XYLT1: variants seen among roughly 807,000 people sequenced by gnomAD.
The protein encoded by XYLT1 is beta-D-xylosyltransferase 1.
A neutral mutation model predicts 91.3 loss-of-function variants in XYLT1; 36 were observed. The ratio of observed to expected loss-of-function variants is 0.39; its 90% CI spans 0.30 to 0.52. The LOEUF is 0.52. XYLT1 is among the 20% of genes least tolerant of loss of function. The pLI, the probability that XYLT1 is intolerant of heterozygous loss-of-function variation, is 0.68. For missense variants in XYLT1, 1,242 were observed against 1,284.5 expected, an observed-to-expected ratio of 0.97 and a Z score of 0.51; for synonymous variants, 588 against 532.0, an observed-to-expected ratio of 1.11 and a Z score of -1.45.
At chr16:17,291,914 C>T (rs1004934092) in intron 2 of XYLT1, among the ~76,000 whole-genome samples, 2 of 151,936 alleles carry the variant, frequency 1.3e-5, no homozygotes, top group Admixed American at 6.6e-5. Context: ...TGGCCAGGCA[C>T]GGTAGCTGAC....
chr16:17,199,426 T>C (rs933729435), intron 4 of XYLT1, among the ~76,000 whole-genome samples: 3 of 152,194 alleles, frequency 2.0e-5, no homozygotes, highest in African/African-American at 4.8e-5. Context: ...TGACAGAGAC[T>C]ATGTGCCCTG....
chr16:17,298,301 T>C (rs1401188967), intron 2 of XYLT1, among the ~76,000 whole-genome samples: 1 of 152,130 alleles, frequency 6.6e-6, no homozygotes, highest in Admixed American at 6.5e-5. Flanking sequence ...CCAAAAAACC[T>C]TGGCCCATAA....
At chr16:17,247,215 C>T (rs1490422338) in intron 3 of XYLT1, among the ~76,000 whole-genome samples, 3 of 148,950 alleles carry the variant, frequency 2.0e-5, no homozygotes, top group Non-Finnish European at 4.5e-5. Context: ...CTCCTTCCTT[C>T]TTGCACTAAG....
At chr16:17,276,131 C>T (rs571556618) in intron 2 of XYLT1, among the ~76,000 whole-genome samples, 2 of 152,318 alleles carry the variant, frequency 1.3e-5, no homozygotes, top group Admixed American at 6.5e-5. Flanking sequence ...CCAGAAGCTG[C>T]TAATAAATTA....
intron 3 of XYLT1, among the ~76,000 whole-genome samples, chr16:17,248,376 G>C (rs1386327009): frequency 6.6e-6 from 1 of 152,116 alleles, no homozygotes; most frequent in Non-Finnish European, 1.5e-5. Context: ...CTAATACAGG[G>C]GGGCCTACCT....
intron 1 of XYLT1, among the ~76,000 whole-genome samples, chr16:17,454,903 T>TCCCC (rs201490419): frequency 5.4e-5 from 2 of 36,986 alleles, no homozygotes; most frequent in Admixed American, 3.0e-4. Flanking sequence ...CATTCTTTCC[T>TCCCC]CCCCCCCCCG....
intron 5 of XYLT1, among the ~76,000 whole-genome samples, chr16:17,166,781 G>A (rs1432701912): frequency 1.3e-5 from 2 of 151,566 alleles, no homozygotes; most frequent in Non-Finnish European, 2.9e-5. Flanking sequence ...CCAAAGTGCT[G>A]GGACCACAGA....
chr16:17,124,915 T>TGTAA (rs1251201842), intron 10 of XYLT1, among the ~76,000 whole-genome samples: 1 of 152,260 alleles, frequency 6.6e-6, no homozygotes, highest in East Asian at 1.9e-4. Context: ...TTTGCAATTT[T>TGTAA]GTAAGTGTGT....
intron 3 of XYLT1, among the ~76,000 whole-genome samples, chr16:17,238,190 A>C (rs1053376483): frequency 1.3e-5 from 2 of 152,176 alleles, no homozygotes; most frequent in Non-Finnish European, 2.9e-5. Flanking sequence ...TATTCCCATT[A>C]ATCCTTTTTG....
In XYLT1 at chr16:17,290,996, G is replaced by A. The variant is rs1045402008; in HGVS notation, c.403-31498C>T. Reference sequence around the variant, plus strand: ...GTCACCCAGGCTGGAGTGCAATGGCGCAATCATATCTCACTGCATCCTCAG... The same window carrying A: ...GTCACCCAGGCTGGAGTGCAATGGCACAATCATATCTCACTGCATCCTCAG... On this transcript the variant is annotated intron_variant, in intron 2 of 11. Transcript: ENST00000261381. Among the ~76,000 whole-genome samples the A allele has an allele frequency of 2.6e-5, 4 of 152,200 alleles. No homozygotes were observed. In the East Asian group the frequency reaches 5.8e-4, roughly 22 times the overall value.
At chr16:17,201,102 GT>G (rs1477152371) in intron 3 of XYLT1, among the ~76,000 whole-genome samples, 13 of 152,164 alleles carry the variant, frequency 8.5e-5, no homozygotes, top group Admixed American at 5.9e-4. Flanking sequence ...TTTAACGGTG[GT>G]AAGAACAGAT....
chr16:17,161,333 C>T (rs1455171900), intron 5 of XYLT1, among the ~76,000 whole-genome samples: 1 of 152,164 alleles, frequency 6.6e-6, no homozygotes, highest in Non-Finnish European at 1.5e-5. Context: ...GGTTTCCAGG[C>T]CCAGAGCTTT....
chr16:17,256,783 C>T (rs2033639710), intron 3 of XYLT1, among the ~76,000 whole-genome samples: 1 of 152,210 alleles, frequency 6.6e-6, no homozygotes, highest in African/African-American at 2.4e-5. Flanking sequence ...TGACCATTTG[C>T]CTTCTCAGGA....
At chr16:17,455,293 G>T (rs2036726349) in intron 1 of XYLT1, among the ~76,000 whole-genome samples, 1 of 152,124 alleles carries the variant, frequency 6.6e-6, no homozygotes, top group Admixed American at 6.5e-5. Context: ...TCTCATGCAT[G>T]TTCTACTTCA....
At chr16:17,341,720 G>A (rs1383416845) in intron 2 of XYLT1, among the ~76,000 whole-genome samples, 1 of 152,208 alleles carries the variant, frequency 6.6e-6, no homozygotes, top group Non-Finnish European at 1.5e-5. Context: ...AGGAAGTGAT[G>A]TGCTTTTGAA....
intron 5 of XYLT1, among the ~76,000 whole-genome samples, chr16:17,163,724 C>G (rs2031604974): frequency 6.6e-6 from 1 of 152,132 alleles, no homozygotes; most frequent in Non-Finnish European, 1.5e-5. Flanking sequence ...TCCTCCTGGA[C>G]TGCAATGAAC....
chr16:17,428,717 C>T (rs1278144897), intron 1 of XYLT1, among the ~76,000 whole-genome samples: 1 of 152,148 alleles, frequency 6.6e-6, no homozygotes, highest in South Asian at 2.1e-4. Flanking sequence ...AGCTTTCGGC[C>T]GTGTGGTAGT....
At chr16:17,116,536 C>G (rs1966852631) in intron 11 of XYLT1, among the ~76,000 whole-genome samples, 1 of 152,198 alleles carries the variant, frequency 6.6e-6, no homozygotes, top group Non-Finnish European at 1.5e-5. Context: ...GCATAGTACT[C>G]CATTGTATGA....
intron 10 of XYLT1, among the ~76,000 whole-genome samples, chr16:17,120,911 A>AAT (rs1373996940): frequency 1.3e-5 from 2 of 152,188 alleles, no homozygotes; most frequent in African/African-American, 4.8e-5. Flanking sequence ...TTTATCATCT[A>AAT]TCTCTACCAA....
Sources: gnomAD v4.1 joint callset for allele counts (sites outside exome capture counted in the v4.1 genomes callset) on GRCh38, gnomAD v4.1.1 for gene constraint, MANE v1.5 for transcripts, NCBI Gene and HGNC (gene_info 2026-07-23, HGNC 2026-07-21) for gene names.